HYOU1: variants seen among roughly 807,000 people sequenced by gnomAD.
HYOU1 encodes hypoxia up-regulated 1.
A neutral mutation model predicts 120.5 loss-of-function variants in HYOU1; 40 were observed. The observed-to-expected ratio is 0.33, with a 90% confidence interval of 0.26 to 0.43. The LOEUF is 0.43. Among genes scored for constraint, HYOU1 ranks in the 20% least tolerant of loss-of-function variants. The pLI is 1.00. For synonymous variants in HYOU1, 501 were observed against 479.4 expected (o/e 1.05, Z -0.59); for missense variants, 1,085 against 1,278.3 (o/e 0.85, Z 2.31).
At position 119,048,129 on chromosome 11, in the gene HYOU1, C is replaced by T. The variant is rs2133561347; in HGVS notation, c.2377-49G>A. On this transcript the variant is annotated intron_variant, in intron 20 of 25. Transcript: ENST00000617285. The surrounding 1 kb of genome is among the most constrained non-coding windows in gnomAD (Gnocchi z 4.7). ...AGGGGTGGAAGGGACGACAGCAGAG[C>T]CTGGAGTCAGCCCCATGTCCTTCTT... The T allele has an allele frequency of 2.7e-5, 43 of 1,612,600 alleles. No homozygotes were observed. The highest frequency in any genetic ancestry group is 8.3e-5 in the Admixed American group (5 of 60,010).
Position 119,049,092 on chromosome 11 carries a change from C to T in HYOU1, c.1918G>A (p.Glu640Lys). 6 of 1,614,116 alleles carry T rather than the reference C, an allele frequency of 3.7e-6. No individual in the cohort carries two copies. The highest frequency in any genetic ancestry group is 4.2e-6 in the Non-Finnish European group (5 of 1,179,992). The change falls in exon 17 of 26, where the codon GAA becomes AAA. Residue 640 changes from glutamate (E) to lysine (K), a missense_variant. Glu to Lys is a moderately conservative substitution (Grantham distance 56). Coordinates refer to ENST00000617285, the MANE Select transcript of HYOU1 (RefSeq NM_006389.5). ...VEDGSQPPPP[E>K]PKGDATPEGE... Reference sequence around the variant, plus strand: ...TCAGGGGTTGCATCTCCCTTAGGTTCAGGGGGTGGGGGCTGAGAGCCATCC... The same window carrying T: ...TCAGGGGTTGCATCTCCCTTAGGTTTAGGGGGTGGGGGCTGAGAGCCATCC...
Position 119,055,595 on chromosome 11 carries a change from C to T in HYOU1, c.186-24G>A, listed in dbSNP as rs2133614499. 6.5e-5 allele frequency: 104 copies of T among 1,601,040 alleles called. No individual in the cohort carries two copies. The highest frequency in any genetic ancestry group is 1.7e-4 in the Admixed American group (10 of 59,986). ...CCCTGAGGAAAAGAGATTTTGGGCC[C>T]AGGTGCCTGCAGCAGAAGGACTCAG... On this transcript the variant is annotated intron_variant, in intron 3 of 25. Transcript: ENST00000617285. The surrounding 1 kb of genome is among the most constrained non-coding windows in gnomAD (Gnocchi z 4.0).
rs1943962956 is a variant in HYOU1, at chr11:119,044,509, C to T, written c.*1084G>A. On this transcript the variant is annotated 3_prime_UTR_variant, in exon 26 of 26. Transcript: ENST00000617285. ...GCGTAGGTATGGTGGGTCGGGGGCC[C>T]CCAACCTAGCAGAGTGATGCACAGA... The T allele has an allele frequency of 6.5e-6, 1 of 152,836 alleles. No homozygotes were observed. Among genetic ancestry groups the T allele is most frequent in the Non-Finnish European group, 1.5e-5 (1 of 68,250 alleles). 9.5% of individuals were successfully genotyped at this position (152,836 alleles called of 1,614,324 possible).
At chr11:119,049,745 C>T in intron 15 of HYOU1, 32 bp downstream of exon 15, 2 of 1,611,410 alleles carry the variant, frequency 1.2e-6, no homozygotes, top group South Asian at 2.2e-5. Context: ...CAAGTATATT[C>T]TCTCCCATAC....
At position 119,049,221 on chromosome 11, in the gene HYOU1, C is replaced by G. The variant is rs2133570694; in HGVS notation, c.1807-18G>C. On this transcript the variant is annotated intron_variant, in intron 16 of 25. Transcript: ENST00000617285. ...TCTTCCTCCTGGGAAACACCACAGGCGCCCCAGGGAACGATCAGGAGCAGA... is the reference window on the plus strand; with the variant it reads ...TCTTCCTCCTGGGAAACACCACAGGGGCCCCAGGGAACGATCAGGAGCAGA... 1.3e-6 allele frequency: 2 copies of G among 1,587,792 alleles called. No individual in the cohort carries two copies. The highest frequency in any genetic ancestry group is 1.1e-5 in the South Asian group (1 of 87,386).
rs2133589339 is a variant in HYOU1 at position 119,051,977 on chromosome 11, G to A, written c.1206-26C>T. On this transcript the variant is annotated intron_variant, in intron 11 of 25. Transcript: ENST00000617285. The surrounding 1 kb of genome is among the most constrained non-coding windows in gnomAD (Gnocchi z 4.2). ...CTGGGAAAGCCCCAAGCCTCAGCAC[G>A]GTCTACCCTGGAGCATGCAACCGGG... 140 of 1,613,814 alleles carry A rather than the reference G, an allele frequency of 8.7e-5. No homozygotes were observed. Among genetic ancestry groups the A allele is most frequent in the Non-Finnish European group, 1.2e-4 (137 of 1,179,860 alleles).
At position 119,048,945 on chromosome 11, in the gene HYOU1, A is replaced by C; in HGVS notation, c.1993-59T>G. The C allele has an allele frequency of 6.2e-7, 1 of 1,609,612 alleles. No homozygotes were observed. Among genetic ancestry groups the C allele is most frequent in the Non-Finnish European group, 8.5e-7 (1 of 1,178,014 alleles). The stretch of plus-strand genomic sequence containing the variant: ...CCTCTGCCCTCCTACATTCTCCACA[A>C]GGCCAGAAACAAGGCAGGCGCCTGC... On this transcript the variant is annotated intron_variant, in intron 17 of 25. Coordinates refer to ENST00000617285, the MANE Select transcript of HYOU1 (RefSeq NM_006389.5). The surrounding 1 kb of genome is among the most constrained non-coding windows in gnomAD (Gnocchi z 4.7).
rs2133601508 is a variant in HYOU1, at chr11:119,053,867, T to C, written c.794+254A>G. 61 of 404,432 alleles carry C rather than the reference T, an allele frequency of 1.5e-4. No homozygotes were observed. In the South Asian group the frequency reaches 2.5e-3, roughly 17 times the overall value. 25.1% of individuals were successfully genotyped at this position (404,432 alleles called of 1,614,324 possible). On this transcript the variant is annotated intron_variant, in intron 8 of 25. Transcript: ENST00000617285. ...ACATGATTGAATCTGACACCCTACA[T>C]ATTGCCTGCGGCTCCATGGATTTCC...
chr11:119,046,362 C>G, intron 24 of HYOU1, 55 bp downstream of exon 24: 2 of 1,572,160 alleles, frequency 1.3e-6, no homozygotes, highest in Non-Finnish European at 1.8e-6. Context: ...GCCAGTTTGC[C>G]TACCCCTGGG....
chr11:119,048,787 C>T lies in HYOU1; in HGVS notation c.2092G>A (p.Glu698Lys). The part of the protein sequence containing the change: ...KPARKRRMVE[E>K]IGVELVVLDL... ...AGAACAACCAGCTCCACCCCGATCTCCTCTACCATTCGCCGCTTCCTGGCG... is the reference window on the plus strand; with the variant it reads ...AGAACAACCAGCTCCACCCCGATCTTCTCTACCATTCGCCGCTTCCTGGCG... The change falls in exon 18 of 26, where the codon GAG becomes AAG. Residue 698 changes from glutamate to lysine, a missense_variant. This residue lies in a region of HYOU1 where 516 missense variants were observed against 517.1 expected (regional missense o/e 1.00). Transcript: ENST00000617285. This position sits in a 1 kb window ranked among gnomAD's most constrained non-coding sequence, Gnocchi z 4.7. The T allele has an allele frequency of 6.2e-7, 1 of 1,614,168 alleles. No homozygotes were observed. The highest frequency in any genetic ancestry group is 1.1e-5 in the South Asian group (1 of 91,084).
In HYOU1 at chr11:119,057,057, G is replaced by C. The variant is rs1944826788; in HGVS notation, c.-45C>G. On this transcript the variant is annotated 5_prime_UTR_variant, in exon 1 of 26. Transcript: ENST00000617285. ...CTCCTGCGGCCCCAGCTCTGGGACA[G>C]ACGCGGCACGAACGTACCCACGAGG... The C allele has an allele frequency of 6.6e-6, 1 of 152,438 alleles. No homozygotes were observed. The highest frequency in any genetic ancestry group is 2.4e-5 in the African/African-American group (1 of 41,420). 9.4% of individuals were successfully genotyped at this position (152,438 alleles called of 1,614,324 possible). A position where few individuals can be genotyped will look rare whatever the true frequency, so the allele number is the denominator to read the frequency against.
chr11:119,046,352 G>C, intron 24 of HYOU1, 65 bp downstream of exon 24: 1 of 1,476,042 alleles, frequency 6.8e-7, no homozygotes, highest in South Asian at 1.1e-5. Flanking sequence ...GGCTGTGCCT[G>C]CCAGTTTGCC....
Position 119,051,302 on chromosome 11 carries a change from T to G in HYOU1, c.1527-129A>C. ...GGCACACTCAAGAGGACGGATGCAT[T>G]CTCCAGCGAAGCTGATCATAGCTGC... is the stretch of plus-strand genomic sequence containing the variant. On this transcript the variant is annotated intron_variant, in intron 13 of 25. Transcript: ENST00000617285. The surrounding 1 kb of genome is among the most constrained non-coding windows in gnomAD (Gnocchi z 4.2). 1 of 1,491,086 alleles carries G rather than the reference T, an allele frequency of 6.7e-7. No individual in the cohort carries two copies. Among genetic ancestry groups the G allele is most frequent in the Non-Finnish European group, 9.2e-7 (1 of 1,088,172 alleles). The allele number at this position is 1,491,086 out of a possible 1,614,324, so 92.4% of individuals were successfully genotyped here.
rs976263327 is a variant in HYOU1, at chr11:119,055,932, T to A, written c.92-89A>T. ...ATCAAAGCATACCACTTTCCATGGG[T>A]AAACGAAGATGGCAAAAGACAAAAA... On this transcript the variant is annotated intron_variant, in intron 2 of 25. Coordinates refer to ENST00000617285, the MANE Select transcript of HYOU1 (RefSeq NM_006389.5). The surrounding 1 kb of genome is among the most constrained non-coding windows in gnomAD (Gnocchi z 4.0). The A allele has an allele frequency of 7.2e-7, 1 of 1,395,854 alleles. No individual in the cohort carries two copies. Among genetic ancestry groups the A allele is most frequent in the Non-Finnish European group, 1.0e-6 (1 of 983,608 alleles). The allele number at this position is 1,395,854 out of a possible 1,614,324, so 86.5% of individuals were successfully genotyped here.
In HYOU1 at chr11:119,048,679, A is replaced by C. The variant is rs2133566285; in HGVS notation, c.2165+35T>G. The C allele has an allele frequency of 6.2e-7, 1 of 1,605,816 alleles. No homozygotes were observed. On this transcript the variant is annotated intron_variant, in intron 18 of 25. Transcript: ENST00000617285. This position sits in a 1 kb window ranked among gnomAD's most constrained non-coding sequence, Gnocchi z 4.7. The stretch of plus-strand genomic sequence containing the variant: ...CCCACATCCTGCCCACCTTGCACAC[A>C]CATGTACACACACACACCAGCTGTC...
Position 119,051,240 on chromosome 11 carries a change from G to A in HYOU1, c.1527-67C>T. ...GCCCATCTCGCCCTCTAGACTACAT[G>A]GCCTCCTGGCACAAGGTGTCAGGGG... On this transcript the variant is annotated intron_variant, in intron 13 of 25. Transcript: ENST00000617285. The surrounding 1 kb of genome is among the most constrained non-coding windows in gnomAD (Gnocchi z 4.2). The A allele has an allele frequency of 6.3e-7, 1 of 1,594,786 alleles. No individual in the cohort carries two copies. Among genetic ancestry groups the A allele is most frequent in the Non-Finnish European group, 8.6e-7 (1 of 1,167,670 alleles).
rs1312210433 is a variant in HYOU1 at position 119,055,577 on chromosome 11, G to A, written c.186-6C>T. 1.9e-6 allele frequency: 3 copies of A among 1,613,854 alleles called. No individual in the cohort carries two copies. Among genetic ancestry groups the A allele is most frequent in the East Asian group, 4.5e-5 (2 of 44,878 alleles). ...GTGTTTTCCTCCGAGATTCCCTGAGGAAAAGAGATTTTGGGCCCAGGTGCC... is the reference window on the plus strand; with the variant it reads ...GTGTTTTCCTCCGAGATTCCCTGAGAAAAAGAGATTTTGGGCCCAGGTGCC... On this transcript the variant is annotated splice_region_variant and splice_polypyrimidine_tract_variant and intron_variant, in intron 3 of 25. Coordinates refer to ENST00000617285, the MANE Select transcript of HYOU1 (RefSeq NM_006389.5). This position sits in a 1 kb window ranked among gnomAD's most constrained non-coding sequence, Gnocchi z 4.0.
chr11:119,047,710 G>C, intron 22 of HYOU1, 24 bp downstream of exon 22: 8 of 1,584,488 alleles, frequency 5.0e-6, no homozygotes, highest in Non-Finnish European at 6.9e-6. Context: ...TAAGTATCTG[G>C]TTAAGTATTT....
intron 24 of HYOU1, 54 bp from the exon 25 acceptor site, chr11:119,045,885 G>A (rs1186842099): frequency 1.3e-6 from 2 of 1,575,546 alleles, no homozygotes; most frequent in Non-Finnish European, 1.7e-6. Context: ...GAGGCTAAGG[G>A]AAGGCTGGGC....
Sources: allele counts gnomAD v4.1 joint callset, GRCh38; gene constraint gnomAD v4.1.1; regional missense constraint gnomAD v4.1.1; non-coding constraint Gnocchi (gnomAD v3.1); transcripts MANE v1.5; gene names NCBI Gene and HGNC (gene_info 2026-07-23, HGNC 2026-07-21).